Variants in DPH6 observed in about 807,000 individuals in gnomAD.
DPH6 encodes diphthine--ammonia ligase.
Under a neutral mutation model 38.2 loss-of-function variants are expected in DPH6, and 33 were observed. That is an observed-to-expected ratio of 0.86 (90% CI 0.65 to 1.15). The LOEUF (loss-of-function observed/expected upper bound fraction) is 1.15. Among genes scored for constraint, DPH6 ranks in the 50% most tolerant of loss-of-function variants. The pLI, the probability that DPH6 is intolerant of heterozygous loss-of-function variation, is 0.00. For missense variants in DPH6, 325 were observed against 320.0 expected (o/e 1.02, Z -0.12); for synonymous variants, 108 against 103.0 (o/e 1.05, Z -0.30).
At chr15:35,199,964 TAA>T in the DPH6 span, among the ~76,000 whole-genome samples, 1 of 152,058 alleles carries the variant, frequency 6.6e-6, no homozygotes, top group East Asian at 1.9e-4. Context: ...CTCTAAGAAT[TAA>T]AAGTTGAGCT....
At chr15:35,349,827 G>T (rs1445506639) in intron 3 of DPH6, among the ~76,000 whole-genome samples, 1 of 152,170 alleles carries the variant, frequency 6.6e-6, no homozygotes, top group African/African-American at 2.4e-5. Context: ...AGTAATTGGT[G>T]TAACTCTTAA....
At chr15:35,317,219 A>G (rs981794525) in intron 3 of DPH6, among the ~76,000 whole-genome samples, 1 of 151,878 alleles carries the variant, frequency 6.6e-6, no homozygotes, top group Non-Finnish European at 1.5e-5. Flanking sequence ...AGATTGTGCC[A>G]CTGCACCACT....
intron 3 of DPH6, among the ~76,000 whole-genome samples, chr15:35,490,514 C>T (rs544284981): frequency 6.6e-5 from 10 of 152,124 alleles, no homozygotes; most frequent in African/African-American, 1.9e-4. Flanking sequence ...TTCATGTGTG[C>T]GATTCATTCA....
At chr15:35,425,484 C>A (rs1371823751) in intron 5 of DPH6, among the ~76,000 whole-genome samples, 2 of 151,366 alleles carry the variant, frequency 1.3e-5, no homozygotes, top group South Asian at 2.1e-4. Context: ...GTAAATATTA[C>A]AATTAACATA....
intron 3 of DPH6, among the ~76,000 whole-genome samples, chr15:35,264,151 A>G (rs2051768517): frequency 6.6e-6 from 1 of 151,996 alleles, no homozygotes; most frequent in African/African-American, 2.4e-5. Flanking sequence ...TTTAAAAAGT[A>G]CTTCTTAGTT....
chr15:35,501,699 T>A (rs2054630175), intron 3 of DPH6, among the ~76,000 whole-genome samples: 1 of 152,152 alleles, frequency 6.6e-6, no homozygotes, highest in Admixed American at 6.5e-5. Context: ...TTAAGAAACT[T>A]CAGAAACTTA....
At chr15:35,354,705 G>A (rs113037099) in intron 3 of DPH6, among the ~76,000 whole-genome samples, 28 of 152,178 alleles carry the variant, frequency 1.8e-4, no homozygotes, top group Middle Eastern at 3.4e-3. Flanking sequence ...GAGAATTTTT[G>A]CATTGATGTT....
At chr15:35,470,785 GAACAA>G (rs909205836) in intron 3 of DPH6, among the ~76,000 whole-genome samples, 3 of 152,010 alleles carry the variant, frequency 2.0e-5, no homozygotes, top group African/African-American at 7.2e-5. Flanking sequence ...AGTGAACTTA[GAACAA>G]AACAAAACAA....
chr15:35,258,997 A>T (rs2051725761), intron 3 of DPH6, among the ~76,000 whole-genome samples: 1 of 151,972 alleles, frequency 6.6e-6, no homozygotes, highest in Non-Finnish European at 1.5e-5. Context: ...AAATACAAAA[A>T]TTAGCTGTGC....
chr15:35,453,822 T>C (rs2053965030), intron 4 of DPH6, among the ~76,000 whole-genome samples: 1 of 152,150 alleles, frequency 6.6e-6, no homozygotes, highest in Non-Finnish European at 1.5e-5. Flanking sequence ...TGTTCAAATC[T>C]ATTAATATGT....
chr15:35,459,757 CAG>C (rs1471164494), intron 3 of DPH6, among the ~76,000 whole-genome samples: 2 of 152,000 alleles, frequency 1.3e-5, no homozygotes, highest in Non-Finnish European at 2.9e-5. Context: ...GTCATAATGA[CAG>C]AAGATATAAT....
At chr15:35,310,591 T>C (rs1178196376) in intron 3 of DPH6, among the ~76,000 whole-genome samples, 3 of 152,192 alleles carry the variant, frequency 2.0e-5, no homozygotes, top group Non-Finnish European at 4.4e-5. Flanking sequence ...CTTATATGAA[T>C]GCCTTTTAGA....
chr15:35,350,389 T>C (rs2052499912), intron 3 of DPH6, among the ~76,000 whole-genome samples: 1 of 151,908 alleles, frequency 6.6e-6, no homozygotes, highest in Admixed American at 6.6e-5. Context: ...AAAACCAATT[T>C]AGTTTTGTTA....
chr15:35,254,911 C>A (rs1036650507), intron 3 of DPH6, among the ~76,000 whole-genome samples: 2 of 152,036 alleles, frequency 1.3e-5, no homozygotes, highest in Non-Finnish European at 2.9e-5. Flanking sequence ...TTACAAAGAA[C>A]CTTCTTAAGG....
chr15:35,410,706 T>G (rs1212349569), intron 6 of DPH6, 129 bp downstream of exon 6: 3 of 704,318 alleles, frequency 4.3e-6, no homozygotes, highest in Non-Finnish European at 6.5e-6. Flanking sequence ...GTTTAATTTT[T>G]TCATAAATAT....
the DPH6 span, among the ~76,000 whole-genome samples, chr15:35,196,953 A>AT: frequency 6.6e-6 from 1 of 152,204 alleles, no homozygotes; most frequent in African/African-American, 2.4e-5. Flanking sequence ...CATGCTTTTA[A>AT]TTTTTTTGAA....
chr15:35,411,837 C>T (rs2053370990), intron 5 of DPH6, among the ~76,000 whole-genome samples: 1 of 151,616 alleles, frequency 6.6e-6, no homozygotes, highest in Admixed American at 6.6e-5. Flanking sequence ...TAGACACAGA[C>T]TTTACACTCT....
intron 3 of DPH6, among the ~76,000 whole-genome samples, chr15:35,531,970 G>A (rs906398817): frequency 2.6e-5 from 4 of 152,148 alleles, no homozygotes; most frequent in African/African-American, 9.7e-5. Flanking sequence ...ACCCACAGTA[G>A]AGTTATAGAC....
the DPH6 span, among the ~76,000 whole-genome samples, chr15:35,211,084 GATA>G: frequency 2.7e-5 from 4 of 149,372 alleles, no homozygotes; most frequent in African/African-American, 4.9e-5. Flanking sequence ...AGAGCAAGGA[GATA>G]ATAAAGGCTC....
Sources: allele counts gnomAD v4.1 joint callset (sites outside exome capture counted in the v4.1 genomes callset), GRCh38; gene constraint gnomAD v4.1.1; transcripts MANE v1.5; gene names NCBI Gene and HGNC (gene_info 2026-07-23, HGNC 2026-07-21).